The following C7 variants were observed in gnomAD, a reference collection of about 807,000 sequenced individuals.
The protein encoded by C7 is complement C7.
Under a neutral mutation model 104.8 loss-of-function variants are expected in C7, and 83 were observed. The observed-to-expected ratio is 0.79, with a 90% CI of 0.66 to 0.95. The LOEUF (loss-of-function observed/expected upper bound fraction) is 0.95, where lower values mean the gene tolerates loss of function less well. Ranked by LOEUF, C7 falls within the 40% of genes least tolerant of loss-of-function variation. The pLI, the probability that C7 is intolerant of heterozygous loss-of-function variation, is 0.00. For missense variants in C7, 1,070 were observed against 1,011.2 expected (o/e 1.06, Z -0.79); for synonymous variants, 415 against 360.6 (o/e 1.15, Z -1.71).
chr5:40,972,089 G>C (rs780307476), intron 14 of C7: 1 of 497,378 alleles, frequency 2.0e-6, no homozygotes, highest in South Asian at 1.7e-5. Context: ...AGTGACAGCT[G>C]TGAAAAGTTT....
intron 1 of C7, among the ~76,000 whole-genome samples, chr5:40,922,833 T>G (rs879805497): frequency 3.3e-5 from 5 of 151,888 alleles, no homozygotes; most frequent in Non-Finnish European, 5.9e-5. Context: ...TAACTCAAAA[T>G]GAATTAGACT....
intron 11 of C7, among the ~76,000 whole-genome samples, chr5:40,959,137 C>T (rs1411729906): frequency 2.0e-5 from 3 of 152,140 alleles, no homozygotes; most frequent in Non-Finnish European, 4.4e-5. Flanking sequence ...ACATTTCCTG[C>T]CCACCTCCAT....
intron 14 of C7, among the ~76,000 whole-genome samples, chr5:40,965,648 A>ATATATTTTT (rs35802990): frequency 1.1e-3 from 138 of 130,302 alleles, no homozygotes; most frequent in African/African-American, 4.1e-3. Flanking sequence ...ATATATATAT[A>ATATATTTTT]TTTTTTTTTT....
chr5:40,957,953 A>G, intron 10 of C7, 80 bp from the exon 11 acceptor site: 1 of 889,684 alleles, frequency 1.1e-6, no homozygotes, highest in Non-Finnish European at 1.6e-6. Context: ...TGTTTTAATG[A>G]GAGTCGTGCC....
intron 5 of C7, 33 bp downstream of exon 5, chr5:40,936,518 G>A: frequency 6.3e-7 from 1 of 1,582,414 alleles, no homozygotes; most frequent in Non-Finnish European, 8.6e-7. Flanking sequence ...GAGTACATCA[G>A]TGAATTGTAG....
In C7 at chr5:40,983,196, A is replaced by T. The variant is rs77483167; in HGVS notation, c.*1623A>T. 0.01 allele frequency among the ~76,000 whole-genome samples: 1,569 copies of T among 152,322 alleles called. 29 individuals are homozygous for T. The highest frequency in any genetic ancestry group is 0.036 in the African/African-American group (1,493 of 41,578). On this transcript the variant is annotated 3_prime_UTR_variant, in exon 18 of 18. Coordinates refer to ENST00000313164, the MANE Select transcript of C7 (RefSeq NM_000587.4). Reference sequence around the variant, plus strand: ...TAATTTCTACCCTGGATGGGAGGACACATTTGAACATGCTAGGCCTGGATG... The same window carrying T: ...TAATTTCTACCCTGGATGGGAGGACTCATTTGAACATGCTAGGCCTGGATG...
At chr5:40,961,016 C>T (rs1404457139) in intron 12 of C7, among the ~76,000 whole-genome samples, 2 of 152,102 alleles carry the variant, frequency 1.3e-5, no homozygotes, top group Admixed American at 6.6e-5. Flanking sequence ...ATTCTTACTC[C>T]AAGCCTTACT....
chr5:40,951,902 G>C (rs1448678258), intron 9 of C7, among the ~76,000 whole-genome samples: 1 of 152,214 alleles, frequency 6.6e-6, no homozygotes, highest in Admixed American at 6.5e-5. Context: ...TATTTATGGA[G>C]TCTGTGGTAT....
At chr5:40,965,648 A>ATATTTTTTT (rs35802990) in intron 14 of C7, among the ~76,000 whole-genome samples, 83 of 130,304 alleles carry the variant, frequency 6.4e-4, no homozygotes, top group African/African-American at 2.5e-3. Flanking sequence ...ATATATATAT[A>ATATTTTTTT]TTTTTTTTTT....
chr5:40,974,180 G>A (rs990941235), intron 15 of C7, among the ~76,000 whole-genome samples: 2 of 151,848 alleles, frequency 1.3e-5, no homozygotes, highest in African/African-American at 4.8e-5. Flanking sequence ...CCAAACTGAA[G>A]CTCTATATCC....
At chr5:40,968,518 T>C (rs1740607787) in intron 14 of C7, among the ~76,000 whole-genome samples, 1 of 145,646 alleles carries the variant, frequency 6.9e-6, no homozygotes, top group African/African-American at 2.5e-5. Context: ...TATTATAGAG[T>C]TTTAAATTTT....
intron 1 of C7, among the ~76,000 whole-genome samples, chr5:40,919,738 A>T (rs1341278392): frequency 6.6e-6 from 1 of 152,196 alleles, no homozygotes; most frequent in Non-Finnish European, 1.5e-5. Context: ...TGAAATTAAA[A>T]GGGAAATTAA....
In C7 at chr5:40,981,496, G is replaced by T. The variant is rs1264799178; in HGVS notation, c.2455G>T (p.Glu819Ter). ...CAAGGAGCAGACGATGTCTGAGTGT[G>T]AGGCGGGCGCTCTGAGATGCAGAGG... Reference protein sequence around the residue: ...NGKEQTMSECEAGALRCRGQS... With the variant: ...NGKEQTMSEC Residue 819 changes from glutamate (E) to a stop codon, truncating the protein, a stop_gained, in exon 18 of 18, where the codon GAG becomes TAG. Coordinates refer to ENST00000313164, the MANE Select transcript of C7 (RefSeq NM_000587.4). LOFTEE classifies it low-confidence loss of function (END_TRUNC). 6.2e-7 allele frequency: 1 copy of T among 1,613,752 alleles called. No homozygotes were observed. Among genetic ancestry groups the T allele is most frequent in the African/African-American group, 1.3e-5 (1 of 74,942 alleles).
intron 4 of C7, 118 bp from the exon 5 acceptor site, chr5:40,936,220 C>T: frequency 2.7e-6 from 2 of 748,586 alleles, no homozygotes; most frequent in East Asian, 5.3e-5. Flanking sequence ...ATTTATCTCC[C>T]ATTTACATTG....
chr5:40,964,020 C>CT lies in C7; in HGVS notation c.1750-690dup, dbSNP rs869250524. Among the ~76,000 whole-genome samples the CT allele has an allele frequency of 4.8e-4, 19 of 39,860 alleles. 2 individuals are homozygous for CT. Among genetic ancestry groups the CT allele is most frequent in the Admixed American group, 2.1e-3 (4 of 1,890 alleles). 26.1% of individuals were successfully genotyped at this position (39,860 alleles called of 152,430 possible). ...TATTGTCAATGAACAGCTCATAATA[C>CT]TTTTTTTTTTTTTTTTTTTTTTTTT... On this transcript the variant is annotated intron_variant, in intron 13 of 17. Transcript: ENST00000313164.
chr5:40,931,845 G>A (rs111879974), intron 3 of C7, among the ~76,000 whole-genome samples: 2 of 152,118 alleles, frequency 1.3e-5, no homozygotes, highest in Admixed American at 6.5e-5. Flanking sequence ...TGTAATCTCC[G>A]CCTCCCGGGT....
rs114243196 is a variant in C7, at chr5:40,952,454, C to A, written c.1093+2440C>A. On this transcript the variant is annotated intron_variant, in intron 9 of 17. Coordinates refer to ENST00000313164, the MANE Select transcript of C7 (RefSeq NM_000587.4). ...GGAGGCTAAAGCCTTAAAAAAACATCATGATGGTAGAATCTGTAATTCTTT... is the reference window on the plus strand; with the variant it reads ...GGAGGCTAAAGCCTTAAAAAAACATAATGATGGTAGAATCTGTAATTCTTT... Among the ~76,000 whole-genome samples, 1,425 of 143,662 alleles carry A rather than the reference C, an allele frequency of 9.9e-3. 20 individuals are homozygous for A. The highest frequency in any genetic ancestry group is 0.035 in the African/African-American group (1,375 of 39,470). 94.2% of individuals were successfully genotyped at this position (143,662 alleles called of 152,430 possible). A position where few individuals can be genotyped will look rare whatever the true frequency, so the allele number is the denominator to read the frequency against.
rs1191077928 is a variant in C7 at position 40,964,974 on chromosome 5, TC to T, written c.1882+103del. 6.8e-6 allele frequency: 9 copies of T among 1,332,876 alleles called. No individual in the cohort carries two copies. The Admixed American group carries it at 1.8e-4, about 27-fold the overall frequency. 82.6% of individuals were successfully genotyped at this position (1,332,876 alleles called of 1,614,324 possible). A position where few individuals can be genotyped will look rare whatever the true frequency, so the allele number is the denominator to read the frequency against. On this transcript the variant is annotated intron_variant, in intron 14 of 17. Coordinates refer to ENST00000313164, the MANE Select transcript of C7 (RefSeq NM_000587.4). ...CACCATATGGCCCATGTGTTGGCCT[TC>T]CTTTCCTGTAAGGCTGACATGATCC... is the stretch of plus-strand genomic sequence containing the variant.
At chr5:40,916,620 T>C (rs1466124798) in intron 1 of C7, among the ~76,000 whole-genome samples, 1 of 152,188 alleles carries the variant, frequency 6.6e-6, no homozygotes, top group Non-Finnish European at 1.5e-5. Context: ...TCAATTTGTG[T>C]GTCCATGGCA....
Sources: allele counts gnomAD v4.1 joint callset (sites outside exome capture counted in the v4.1 genomes callset), GRCh38; gene constraint gnomAD v4.1.1; transcripts MANE v1.5; gene names NCBI Gene and HGNC (gene_info 2026-07-23, HGNC 2026-07-21).